The following ANAPC5 variants were observed in gnomAD, a reference collection of about 807,000 sequenced individuals.
ANAPC5 encodes the protein anaphase promoting complex subunit 5.
In ANAPC5, 60 loss-of-function variants were observed where a neutral mutation model predicts 91.3. The observed-to-expected ratio is 0.66, with a 90% CI of 0.53 to 0.81. The LOEUF (loss-of-function observed/expected upper bound fraction) is 0.81. Ranked by LOEUF, ANAPC5 falls within the 40% of genes least tolerant of loss-of-function variation. The pLI is 0.00. For synonymous variants in ANAPC5, 340 were observed against 364.1 expected (o/e 0.93, Z 0.75); for missense variants, 690 against 931.5 (o/e 0.74, Z 3.37).
At position 121,318,164 on chromosome 12, in the gene ANAPC5, C is replaced by T. The variant is rs74679277; in HGVS notation, c.1893+113G>A. On this transcript the variant is annotated intron_variant, in intron 15 of 16. Coordinates refer to ENST00000261819, the MANE Select transcript of ANAPC5 (RefSeq NM_016237.5). ...TGCACAGGAAGACTACCTTTCCAGA[C>T]GTCAATATGAACAAATGAAAACTCA... is the stretch of plus-strand genomic sequence containing the variant. 1,948 of 1,275,680 alleles carry T rather than the reference C, an allele frequency of 1.5e-3. 20 individuals carry two copies. The African/African-American group carries it at 0.027, about 17-fold the overall frequency. The allele number at this position is 1,275,680 out of a possible 1,614,324, so 79.0% of individuals were successfully genotyped here.
At chr12:121,349,636 G>A (rs1356538895) in intron 1 of ANAPC5, among the ~76,000 whole-genome samples, 1 of 150,582 alleles carries the variant, frequency 6.6e-6, no homozygotes, top group African/African-American at 2.4e-5. Context: ...TAGTTAGCCA[G>A]GTTAAAAACC....
chr12:121,308,417 G>C lies in ANAPC5; in HGVS notation c.*63C>G, dbSNP rs918763537. ...CACAAATACATCATTTATAGGGAGA[G>C]AGGGGACATGAACAAGTCCAAAATC... On this transcript the variant is annotated 3_prime_UTR_variant, in exon 17 of 17. Transcript: ENST00000261819. The C allele has an allele frequency of 1.5e-5, 19 of 1,291,542 alleles. No individual in the cohort carries two copies. The highest frequency in any genetic ancestry group is 2.1e-5 in the Non-Finnish European group (19 of 894,046). The allele number at this position is 1,291,542 out of a possible 1,614,324, so 80.0% of individuals were successfully genotyped here.
chr12:121,351,698 C>T (rs1903898693), intron 1 of ANAPC5, among the ~76,000 whole-genome samples: 1 of 152,064 alleles, frequency 6.6e-6, no homozygotes, highest in Non-Finnish European at 1.5e-5. Flanking sequence ...ACCTCGTGAT[C>T]CACCCGCCTT....
At position 121,347,859 on chromosome 12, in the gene ANAPC5, T is replaced by C. The variant is rs149351292; in HGVS notation, c.230A>G (p.Lys77Arg). ...LLQGPDITLS[K>R]LYKLIEESCP... ...AGACTCTTCAATTAACTTGTAAAGTTTTGACAGTGTAATATCTGGGCCCTG... is the reference window on the plus strand; with the variant it reads ...AGACTCTTCAATTAACTTGTAAAGTCTTGACAGTGTAATATCTGGGCCCTG... Residue 77 changes from lysine to arginine, a missense_variant, in exon 2 of 17, where the codon AAA (lysine) becomes AGA (arginine). Physicochemically the swap from Lys to Arg is conservative, Grantham distance 26. This residue lies in a region of ANAPC5 where 238 missense variants were observed against 264.9 expected (regional missense o/e 0.90). Transcript: ENST00000261819. 57 of 1,613,480 alleles carry C rather than the reference T, an allele frequency of 3.5e-5. No individual in the cohort carries two copies. Among genetic ancestry groups the C allele is most frequent in the Non-Finnish European group, 4.6e-5 (54 of 1,179,578 alleles).
intron 15 of ANAPC5, chr12:121,317,876 G>A (rs1902432897): frequency 6.4e-6 from 1 of 155,202 alleles, no homozygotes; most frequent in South Asian, 2.0e-4. Context: ...GGCCTTTACT[G>A]GGGGAGAAAG....
At chr12:121,313,120 G>A (rs981382156) in intron 15 of ANAPC5, among the ~76,000 whole-genome samples, 5 of 152,150 alleles carry the variant, frequency 3.3e-5, no homozygotes, top group African/African-American at 9.7e-5. Context: ...GAGGTCAGGC[G>A]TTCGAGGCCA....
chr12:121,334,966 AG>A (rs1185357471), intron 7 of ANAPC5: 1 of 151,792 alleles, frequency 6.6e-6, no homozygotes, highest in South Asian at 2.1e-4. Flanking sequence ...CTATTTAGGC[AG>A]AAGGTTTTCA....
At chr12:121,348,003 G>T in intron 1 of ANAPC5, 122 bp from the exon 2 acceptor site, 2 of 676,380 alleles carry the variant, frequency 3.0e-6, no homozygotes, top group Non-Finnish European at 5.0e-6. Context: ...ATGCAAATAA[G>T]GATTTTTCTA....
intron 4 of ANAPC5, 26 bp downstream of exon 4, chr12:121,345,813 G>A: frequency 6.3e-7 from 1 of 1,590,378 alleles, no homozygotes; most frequent in South Asian, 1.1e-5. Context: ...ACAGGAAAAG[G>A]ATCCCTGTCA....
At position 121,347,886 on chromosome 12, in the gene ANAPC5, G is replaced by A; in HGVS notation, c.208-5C>T. 1.3e-6 allele frequency: 2 copies of A among 1,599,102 alleles called. No homozygotes were observed. Among genetic ancestry groups the A allele is most frequent in the Non-Finnish European group, 1.7e-6 (2 of 1,166,726 alleles). On this transcript the variant is annotated splice_polypyrimidine_tract_variant and splice_region_variant and intron_variant, in intron 1 of 16. Transcript: ENST00000261819. ...TGACAGTGTAATATCTGGGCCCTGT[G>A]TAAAGGAGAGATAGGGAGGTATGGA...
intron 11 of ANAPC5, 146 bp downstream of exon 11, chr12:121,326,950 C>T: frequency 8.8e-7 from 1 of 1,140,214 alleles, no homozygotes; most frequent in Non-Finnish European, 1.2e-6. Context: ...CCTTGGTCCC[C>T]TTCCACTGGT....
At chr12:121,353,692 G>A (rs1032848347), upstream of ANAPC5, among the ~76,000 whole-genome samples, 11 of 151,694 alleles carry the variant, frequency 7.3e-5, no homozygotes, top group Non-Finnish European at 1.5e-4. Flanking sequence ...CTCCCGCCTC[G>A]GCCTCCCAAA....
intron 1 of ANAPC5, chr12:121,351,227 G>C: frequency 2.8e-6 from 1 of 358,390 alleles, no homozygotes; most frequent in South Asian, 2.0e-5. Flanking sequence ...AAAAAAATTA[G>C]CTGGGCGTAG....
chr12:121,318,438 G>A lies in ANAPC5; in HGVS notation c.1746-14C>T, dbSNP rs1166242312. ...GACAGTAGGACACTGACCGTAAAGAGGAAAACACAGGATGAGAAGATCCAC... is the reference window on the plus strand; with the variant it reads ...GACAGTAGGACACTGACCGTAAAGAAGAAAACACAGGATGAGAAGATCCAC... On this transcript the variant is annotated splice_polypyrimidine_tract_variant and intron_variant, in intron 14 of 16. Transcript: ENST00000261819. The A allele has an allele frequency of 1.2e-6, 2 of 1,610,994 alleles. No homozygotes were observed. Among genetic ancestry groups the A allele is most frequent in the South Asian group, 1.1e-5 (1 of 90,818 alleles).
chr12:121,347,693 C>T (rs1903724133), intron 2 of ANAPC5, 109 bp downstream of exon 2: 7 of 828,326 alleles, frequency 8.5e-6, no homozygotes, highest in Non-Finnish European at 1.4e-5. Flanking sequence ...GGGAAAACAA[C>T]CTAGGGTAAT....
At position 121,331,441 on chromosome 12, in the gene ANAPC5, T is replaced by G; in HGVS notation, c.951-13A>C. On this transcript the variant is annotated splice_polypyrimidine_tract_variant and intron_variant, in intron 7 of 16. Transcript: ENST00000261819. ...CTCTGCCTGTTGACTAATGACAGAC[T>G]AAACATTAATATCCCATTAATAATC... The G allele has an allele frequency of 1.3e-6, 2 of 1,599,352 alleles. No homozygotes were observed. Among genetic ancestry groups the G allele is most frequent in the Non-Finnish European group, 1.7e-6 (2 of 1,167,570 alleles).
At position 121,348,670 on chromosome 12, in the gene ANAPC5, A is replaced by T. The variant is rs190970310; in HGVS notation, c.208-789T>A. On this transcript the variant is annotated intron_variant, in intron 1 of 16. Coordinates refer to ENST00000261819, the MANE Select transcript of ANAPC5 (RefSeq NM_016237.5). ...ACAGAGCAAGACTCCGTCTCCAATA[A>T]AAAAAAAAGAGTACCACAAGGAATA... 7.8e-4 allele frequency among the ~76,000 whole-genome samples: 118 copies of T among 151,722 alleles called. 1 individual carries two copies. The East Asian group carries it at 0.021, about 27-fold the overall frequency.
chr12:121,347,872 T>C lies in ANAPC5; in HGVS notation c.217A>G (p.Ile73Val). The C allele has an allele frequency of 1.9e-6, 3 of 1,612,574 alleles. No homozygotes were observed. Among genetic ancestry groups the C allele is most frequent in the Non-Finnish European group, 1.7e-6 (2 of 1,178,734 alleles). ...LLLPLLQGPD[I>V]TLSKLYKLIE... ...AACTTGTAAAGTTTTGACAGTGTAA[T>C]ATCTGGGCCCTGTGTAAAGGAGAGA... The change falls in exon 2 of 17, where the codon ATT (isoleucine) becomes GTT (valine). Residue 73 changes from isoleucine (I) to valine (V), a missense_variant. Physicochemically the swap from Ile to Val is conservative, Grantham distance 29 (BLOSUM62 3). Transcript: ENST00000261819.
At chr12:121,347,608 G>A (rs1230178463) in intron 2 of ANAPC5, 194 bp downstream of exon 2, 4 of 570,524 alleles carry the variant, frequency 7.0e-6, no homozygotes, top group Non-Finnish European at 1.2e-5. Flanking sequence ...TCCAGCCTGG[G>A]CAACAGAATG....
Sources: allele counts gnomAD v4.1 joint callset (sites outside exome capture counted in the v4.1 genomes callset), GRCh38; gene constraint gnomAD v4.1.1; regional missense constraint gnomAD v4.1.1; transcripts MANE v1.5; gene names NCBI Gene and HGNC (gene_info 2026-07-23, HGNC 2026-07-21).